The following RASAL2 variants were observed in gnomAD, a reference collection of about 807,000 sequenced individuals.
RASAL2 encodes RAS protein activator like 2, also known as ras GTPase-activating protein nGAP.
Under a neutral mutation model 128.9 loss-of-function variants are expected in RASAL2, and 58 were observed. The ratio of observed to expected loss-of-function variants is 0.45; its 90% CI spans 0.36 to 0.56. The LOEUF (loss-of-function observed/expected upper bound fraction) is 0.56. Ranked by LOEUF, RASAL2 falls within the 20% of genes least tolerant of loss-of-function variation. The pLI, the probability that RASAL2 is intolerant of heterozygous loss-of-function variation, is 0.00. For missense variants in RASAL2, 1,360 were observed against 1,601.6 expected, an observed-to-expected ratio of 0.85 and a Z score of 2.57; for synonymous variants, 561 against 580.8, an observed-to-expected ratio of 0.97 and a Z score of 0.49.
intron 1 of RASAL2, among the ~76,000 whole-genome samples, chr1:178,233,682 G>A (rs1664106597): frequency 6.6e-6 from 1 of 152,154 alleles, no homozygotes; most frequent in African/African-American, 2.4e-5. Context: ...ATCACTTCGA[G>A]CACCATTCAC....
intron 3 of RASAL2, among the ~76,000 whole-genome samples, chr1:178,332,214 T>C (rs1363402042): frequency 1.3e-5 from 2 of 152,058 alleles, no homozygotes; most frequent in East Asian, 1.9e-4. Context: ...AAAACCTATG[T>C]TCTCGGCCGG....
At chr1:178,162,388 ATATATATTATATATTT>A (rs1379829377) in intron 1 of RASAL2, among the ~76,000 whole-genome samples, 3 of 114,856 alleles carry the variant, frequency 2.6e-5, no homozygotes, top group African/African-American at 3.5e-5. Context: ...TTTATATATT[ATATATATTATATATTT>A]TATATATTAT....
chr1:178,402,195 C>A (rs1190007034), intron 4 of RASAL2, among the ~76,000 whole-genome samples: 1 of 152,104 alleles, frequency 6.6e-6, no homozygotes, highest in African/African-American at 2.4e-5. Flanking sequence ...GTGGGCAGAT[C>A]ACTTGAGGTC....
At chr1:178,212,100 C>T (rs1292791031) in intron 1 of RASAL2, among the ~76,000 whole-genome samples, 1 of 152,072 alleles carries the variant, frequency 6.6e-6, no homozygotes, top group Non-Finnish European at 1.5e-5. Flanking sequence ...CTTTTCTATA[C>T]TTCTAGGATT....
chr1:178,397,346 T>C (rs1466713125), intron 4 of RASAL2, among the ~76,000 whole-genome samples: 2 of 152,148 alleles, frequency 1.3e-5, no homozygotes, highest in Non-Finnish European at 2.9e-5. Context: ...ACTTTGAAAA[T>C]ATTATGCTAA....
intron 1 of RASAL2, among the ~76,000 whole-genome samples, chr1:178,170,853 C>G (rs1305076506): frequency 6.6e-6 from 1 of 151,710 alleles, no homozygotes; most frequent in Non-Finnish European, 1.5e-5. Context: ...GTTATCAGTT[C>G]TTTTTGTTTT....
chr1:178,363,323 A>G (rs1671226379), intron 3 of RASAL2, among the ~76,000 whole-genome samples: 1 of 151,956 alleles, frequency 6.6e-6, no homozygotes, highest in Non-Finnish European at 1.5e-5. Context: ...AGAAATGTTT[A>G]TTCAGGTTCT....
chr1:178,450,313 A>G (rs987389153), intron 9 of RASAL2, among the ~76,000 whole-genome samples: 1 of 152,152 alleles, frequency 6.6e-6, no homozygotes, highest in African/African-American at 2.4e-5. Context: ...CAAACAAGAC[A>G]GCTGAAACTC....
At chr1:178,113,111 A>G (rs755487042) in intron 1 of RASAL2, among the ~76,000 whole-genome samples, 1 of 152,174 alleles carries the variant, frequency 6.6e-6, no homozygotes, top group Non-Finnish European at 1.5e-5. Context: ...TGAAAAAACT[A>G]TCCTTTGAGC....
chr1:178,315,234 A>G (rs1393647849), intron 3 of RASAL2, among the ~76,000 whole-genome samples: 15 of 149,398 alleles, frequency 1.0e-4, no homozygotes, highest in African/African-American at 2.0e-4. Context: ...ATTGTGAATA[A>G]TGCCGCAATA....
At chr1:178,233,266 A>G (rs1664084994) in intron 1 of RASAL2, among the ~76,000 whole-genome samples, 1 of 152,224 alleles carries the variant, frequency 6.6e-6, no homozygotes, top group Non-Finnish European at 1.5e-5. Context: ...GTTTAGAGAG[A>G]CTGTTAAAGA....
At chr1:178,331,514 A>G (rs963230702) in intron 3 of RASAL2, among the ~76,000 whole-genome samples, 2 of 151,286 alleles carry the variant, frequency 1.3e-5, no homozygotes, top group Non-Finnish European at 3.0e-5. Context: ...TTTTGTTGCT[A>G]TTAGCAATCA....
chr1:178,464,990 G>T (rs1214564835), intron 15 of RASAL2, among the ~76,000 whole-genome samples: 3 of 151,692 alleles, frequency 2.0e-5, no homozygotes, highest in Non-Finnish European at 4.4e-5. Flanking sequence ...CAAGAACCTT[G>T]TCATCATATA....
chr1:178,295,254 A>C (rs954012161), intron 2 of RASAL2, among the ~76,000 whole-genome samples: 22 of 151,658 alleles, frequency 1.5e-4, no homozygotes, highest in African/African-American at 3.1e-4. Flanking sequence ...AAAAAAAAAA[A>C]AACAAAAAAA....
At chr1:178,109,861 A>C (rs1248602802) in intron 1 of RASAL2, among the ~76,000 whole-genome samples, 1 of 152,086 alleles carries the variant, frequency 6.6e-6, no homozygotes, top group African/African-American at 2.4e-5. Flanking sequence ...GCCTCTACAA[A>C]AAATAAATTA....
intron 1 of RASAL2, among the ~76,000 whole-genome samples, chr1:178,171,621 A>C (rs1661708564): frequency 6.6e-6 from 1 of 151,954 alleles, no homozygotes; most frequent in Non-Finnish European, 1.5e-5. Flanking sequence ...TTCTGTGGCA[A>C]AGTTCTTTAT....
At chr1:178,268,143 A>G (rs1416767839) in intron 1 of RASAL2, among the ~76,000 whole-genome samples, 5 of 152,050 alleles carry the variant, frequency 3.3e-5, no homozygotes, top group African/African-American at 4.8e-5. Context: ...CATGGGCAAT[A>G]GAGTGAGACC....
chr1:178,286,188 C>A (rs1667016737), intron 2 of RASAL2, among the ~76,000 whole-genome samples: 1 of 152,118 alleles, frequency 6.6e-6, no homozygotes, highest in Non-Finnish European at 1.5e-5. Flanking sequence ...TCAGCAAAAC[C>A]AGCTGTTTCT....
chr1:178,472,367 C>T (rs898711079), intron 17 of RASAL2, among the ~76,000 whole-genome samples: 3 of 152,118 alleles, frequency 2.0e-5, no homozygotes, highest in African/African-American at 7.2e-5. Flanking sequence ...TTGGGCAGCC[C>T]TCCTGGAGTA....
Sources: gnomAD v4.1 joint callset for allele counts (sites outside exome capture counted in the v4.1 genomes callset) on GRCh38, gnomAD v4.1.1 for gene constraint, MANE v1.5 for transcripts, NCBI Gene and HGNC (gene_info 2026-07-23, HGNC 2026-07-21) for gene names.